Variants in ST7 observed in about 807,000 individuals in gnomAD.
ST7 encodes the protein suppressor of tumorigenicity 7 protein.
ST7 carries 28 observed loss-of-function variants against 78.7 expected under a neutral mutation model. The ratio of observed to expected loss-of-function variants is 0.36; its 90% CI spans 0.26 to 0.49. The LOEUF is 0.49. Among genes scored for constraint, ST7 ranks in the 20% least tolerant of loss-of-function variants. The pLI is 0.99. For missense variants in ST7, 418 were observed against 696.0 expected (o/e 0.60, Z 4.49); for synonymous variants, 247 against 249.6 (o/e 0.99, Z 0.10).
chr7:117,159,105 T>A (rs1483917545), intron 9 of ST7, among the ~76,000 whole-genome samples: 1 of 152,160 alleles, frequency 6.6e-6, no homozygotes, highest in African/African-American at 2.4e-5. Context: ...TAGATACAAA[T>A]CAAACTTGAA....
At chr7:116,959,711 A>C (rs902446676) in intron 1 of ST7, 1 of 152,260 alleles carries the variant, frequency 6.6e-6, no homozygotes, top group Admixed American at 6.5e-5. Flanking sequence ...CAATTTTTTG[A>C]TTAATGTCAG....
chr7:117,163,134 T>C (rs1807283789), intron 9 of ST7, among the ~76,000 whole-genome samples: 1 of 152,206 alleles, frequency 6.6e-6, no homozygotes, highest in Non-Finnish European at 1.5e-5. Context: ...CTGGATGATA[T>C]TTCATTGTGT....
In ST7 at chr7:116,995,829, A is replaced by G. The variant is rs569341353; in HGVS notation, c.151+42138A>G. ...AGGAAAGTTGAAAACGTCAATTTTT[A>G]TATGAAGTTTCCCAATTTACAAATG... On this transcript the variant is annotated intron_variant, in intron 1 of 15. Coordinates refer to ENST00000323984, the MANE Select transcript of ST7 (RefSeq NM_001369598.1). 2.0e-5 allele frequency among the ~76,000 whole-genome samples: 3 copies of G among 152,286 alleles called. 1 individual carries two copies. In the South Asian group the frequency reaches 6.2e-4, roughly 32 times the overall value.
intron 1 of ST7, among the ~76,000 whole-genome samples, chr7:117,001,760 A>T (rs1396352710): frequency 6.6e-6 from 1 of 152,212 alleles, no homozygotes; most frequent in Non-Finnish European, 1.5e-5. Context: ...ATTTAAAAAA[A>T]AGTGGCTGAT....
intron 10 of ST7, among the ~76,000 whole-genome samples, chr7:117,178,835 A>C (rs1164051715): frequency 6.6e-6 from 1 of 152,216 alleles, no homozygotes; most frequent in Non-Finnish European, 1.5e-5. Context: ...CATTTCTTCC[A>C]AGATTATTGA....
intron 9 of ST7, among the ~76,000 whole-genome samples, chr7:117,141,216 A>G (rs1209798983): frequency 2.0e-5 from 3 of 152,184 alleles, no homozygotes; most frequent in Non-Finnish European, 1.5e-5. Context: ...GCATGAGTTT[A>G]AAACTTTCCT....
intron 6 of ST7, among the ~76,000 whole-genome samples, chr7:117,132,560 G>A (rs1804449268): frequency 6.6e-6 from 1 of 151,614 alleles, no homozygotes; most frequent in Non-Finnish European, 1.5e-5. Flanking sequence ...AGGTCACTTA[G>A]CTGAACCACC....
intron 2 of ST7, among the ~76,000 whole-genome samples, chr7:117,100,163 C>G (rs1469295417): frequency 6.6e-6 from 1 of 152,068 alleles, no homozygotes; most frequent in Non-Finnish European, 1.5e-5. Flanking sequence ...AAATGTAACT[C>G]AGTTCAACTA....
chr7:116,995,788 A>G (rs909808123), intron 1 of ST7, among the ~76,000 whole-genome samples: 2 of 152,174 alleles, frequency 1.3e-5, no homozygotes, highest in Admixed American at 6.5e-5. Flanking sequence ...TGTGCACCAT[A>G]TCTTCTAACT....
At chr7:117,139,990 T>C (rs951141045) in intron 9 of ST7, among the ~76,000 whole-genome samples, 40 of 152,168 alleles carry the variant, frequency 2.6e-4, no homozygotes, top group Admixed American at 2.6e-3. Flanking sequence ...AAACAGAGTT[T>C]TCTTAACTTT....
intron 2 of ST7, among the ~76,000 whole-genome samples, chr7:117,100,649 T>TA (rs993476149): frequency 5.3e-5 from 8 of 151,918 alleles, no homozygotes; most frequent in African/African-American, 7.3e-5. Flanking sequence ...TTGCTTCCTT[T>TA]AAAAAAAATC....
At position 117,080,170 on chromosome 7, in the gene ST7, C is replaced by T. The variant is rs568828018; in HGVS notation, c.152-19592C>T. 1.1e-4 allele frequency among the ~76,000 whole-genome samples: 17 copies of T among 151,472 alleles called. No individual in the cohort carries two copies. In the South Asian group the frequency reaches 1.9e-3, roughly 17 times the overall value. ...TAATTTTTTGTATTTTTAGTAGAGA[C>T]GGGGTTTCACCGTTTTAGCCAGGAT... On this transcript the variant is annotated intron_variant, in intron 1 of 15. Coordinates refer to ENST00000323984, the MANE Select transcript of ST7 (RefSeq NM_001369598.1).
chr7:117,192,075 G>A (rs1371465595), intron 12 of ST7, among the ~76,000 whole-genome samples: 2 of 152,142 alleles, frequency 1.3e-5, no homozygotes, highest in South Asian at 2.1e-4. Context: ...GGCCTAATGG[G>A]TAATGACCAA....
intron 1 of ST7, among the ~76,000 whole-genome samples, chr7:116,999,808 CTTTTTTTTTT>C (rs71148356): frequency 9.6e-5 from 10 of 104,442 alleles, no homozygotes; most frequent in East Asian, 2.8e-4. Flanking sequence ...AATTTTCTTT[CTTTTTTTTTT>C]TTTTTTTTTT....
intron 12 of ST7, 44 bp from the exon 13 acceptor site, chr7:117,209,743 T>G: frequency 6.3e-7 from 1 of 1,587,848 alleles, no homozygotes. Context: ...GAATTCTAAA[T>G]TACTTAGGTA....
At position 117,229,859 on chromosome 7, in the gene ST7, A is replaced by G; in HGVS notation, c.*2A>G. The G allele has an allele frequency of 6.2e-7, 1 of 1,613,574 alleles. No individual in the cohort carries two copies. Among genetic ancestry groups the G allele is most frequent in the Middle Eastern group, 1.6e-4 (1 of 6,062 alleles). ...TGGCACCAGCTAACACGGATCTGAGAGAAGCCCTGTCCTCCACTCACCTCA... is the reference window on the plus strand; with the variant it reads ...TGGCACCAGCTAACACGGATCTGAGGGAAGCCCTGTCCTCCACTCACCTCA... On this transcript the variant is annotated 3_prime_UTR_variant, in exon 16 of 16. Transcript: ENST00000323984.
chr7:117,132,103 T>C, intron 6 of ST7, 143 bp downstream of exon 6: 1 of 800,026 alleles, frequency 1.2e-6, no homozygotes, highest in South Asian at 2.1e-5. Flanking sequence ...TTAAAAAAGT[T>C]TTTTTTTTAA....
intron 9 of ST7, chr7:117,144,123 C>G (rs774404158): frequency 6.6e-6 from 1 of 151,796 alleles, no homozygotes; most frequent in Non-Finnish European, 1.5e-5. Flanking sequence ...ATTGTTCAAA[C>G]AAAAAAATAA....
At chr7:117,022,633 C>G (rs531336411) in intron 1 of ST7, among the ~76,000 whole-genome samples, 1 of 152,220 alleles carries the variant, frequency 6.6e-6, no homozygotes, top group African/African-American at 2.4e-5. Flanking sequence ...AAGGGATCTC[C>G]CAAACCATCT....
Sources: allele counts gnomAD v4.1 joint callset (sites outside exome capture counted in the v4.1 genomes callset), GRCh38; gene constraint gnomAD v4.1.1; transcripts MANE v1.5; gene names NCBI Gene and HGNC (gene_info 2026-07-23, HGNC 2026-07-21).